The following CPQ variants were observed in gnomAD, a reference collection of about 807,000 sequenced individuals.
CPQ encodes carboxypeptidase Q, also known as Ser-Met dipeptidase.
In CPQ, 37 loss-of-function variants were observed where a neutral mutation model predicts 45.7. The ratio of observed to expected loss-of-function variants is 0.81; its 90% CI spans 0.62 to 1.07. The LOEUF is 1.07. Ranked by LOEUF, CPQ falls within the 50% of genes least tolerant of loss-of-function variation. The pLI, the probability that CPQ is intolerant of heterozygous loss-of-function variation, is 0.00. For synonymous variants in CPQ, 186 were observed against 205.8 expected, an observed-to-expected ratio of 0.90 and a Z score of 0.82; for missense variants, 537 against 572.9, an observed-to-expected ratio of 0.94 and a Z score of 0.64.
intron 6 of CPQ, among the ~76,000 whole-genome samples, chr8:97,045,310 C>G (rs909903720): frequency 4.6e-5 from 7 of 152,366 alleles, no homozygotes; most frequent in Middle Eastern, 3.4e-3. Flanking sequence ...GATATAATCT[C>G]CTGGTGCGCC....
intron 1 of CPQ, among the ~76,000 whole-genome samples, chr8:96,684,361 T>C (rs1809195347): frequency 6.6e-6 from 1 of 152,196 alleles, no homozygotes. Context: ...TTAATGGATG[T>C]TGTGGTGAGG....
chr8:96,842,119 G>T (rs1811620818), intron 3 of CPQ, among the ~76,000 whole-genome samples: 3 of 152,076 alleles, frequency 2.0e-5, no homozygotes, highest in Admixed American at 2.0e-4. Context: ...GTCTTAAGAG[G>T]TCTATTTTGG....
At chr8:96,977,542 T>C (rs1199705035) in intron 5 of CPQ, among the ~76,000 whole-genome samples, 1 of 152,184 alleles carries the variant, frequency 6.6e-6, no homozygotes, top group African/African-American at 2.4e-5. Flanking sequence ...TGCCCACTCA[T>C]GTTTATAGCA....
intron 7 of CPQ, among the ~76,000 whole-genome samples, chr8:97,083,445 T>A (rs1480814477): frequency 6.6e-6 from 1 of 152,168 alleles, no homozygotes; most frequent in African/African-American, 2.4e-5. Context: ...GCTACTAGCA[T>A]ACACTATAAC....
In CPQ at chr8:96,915,865, C is replaced by T. The variant is rs1461568517; in HGVS notation, c.849+35860C>T. Among the ~76,000 whole-genome samples, 3 of 152,298 alleles carry T rather than the reference C, an allele frequency of 2.0e-5. No homozygotes were observed. The South Asian group carries it at 6.2e-4, about 32-fold the overall frequency. On this transcript the variant is annotated intron_variant, in intron 4 of 7. Transcript: ENST00000220763. The stretch of plus-strand genomic sequence containing the variant: ...GTACCTTAATTACTCAAGAGAACCT[C>T]CTCTCCCACTTTGCATACAGGCCAA...
chr8:97,135,221 A>G (rs1436291545), intron 7 of CPQ, among the ~76,000 whole-genome samples: 2 of 152,172 alleles, frequency 1.3e-5, no homozygotes, highest in African/African-American at 2.4e-5. Context: ...TTAGAAACTA[A>G]AAGTAGAATA....
chr8:97,098,621 T>C (rs1328075851), intron 7 of CPQ, among the ~76,000 whole-genome samples: 1 of 152,178 alleles, frequency 6.6e-6, no homozygotes, highest in Non-Finnish European at 1.5e-5. Flanking sequence ...TCCTCAAGCA[T>C]GGCACACATT....
intron 1 of CPQ, among the ~76,000 whole-genome samples, chr8:96,722,848 G>A (rs1809782888): frequency 6.6e-6 from 1 of 152,312 alleles, no homozygotes; most frequent in East Asian, 1.9e-4. Flanking sequence ...CGCAGGAAGA[G>A]GAAGCTAGAG....
At chr8:96,970,786 ATC>A (rs1813658422) in intron 5 of CPQ, among the ~76,000 whole-genome samples, 1 of 152,052 alleles carries the variant, frequency 6.6e-6, no homozygotes, top group Admixed American at 6.6e-5. Flanking sequence ...GATGGTCTCT[ATC>A]TCCTGACCTC....
Position 96,716,505 on chromosome 8 carries a change from A to G in CPQ, c.-34-68359A>G, listed in dbSNP as rs142827472. 6.7e-3 allele frequency among the ~76,000 whole-genome samples: 1,021 copies of G among 152,250 alleles called. 7 individuals are homozygous for G. Among genetic ancestry groups the G allele is most frequent in the Middle Eastern group, 0.014 (4 of 294 alleles). ...CTTCCACCCTTTCCTTGGAGTTCCCAAAGTCCACTATATCACTCTTAGGCC... is the reference window on the plus strand; with the variant it reads ...CTTCCACCCTTTCCTTGGAGTTCCCGAAGTCCACTATATCACTCTTAGGCC... On this transcript the variant is annotated intron_variant, in intron 1 of 7. Coordinates refer to ENST00000220763, the MANE Select transcript of CPQ (RefSeq NM_016134.4).
chr8:96,715,704 C>A (rs1233014058), intron 1 of CPQ, among the ~76,000 whole-genome samples: 1 of 152,166 alleles, frequency 6.6e-6, no homozygotes, highest in African/African-American at 2.4e-5. Context: ...AAACTTCCCA[C>A]AAGCAGAAAG....
chr8:96,860,334 AT>A (rs1489782021), intron 3 of CPQ, among the ~76,000 whole-genome samples: 1 of 152,172 alleles, frequency 6.6e-6, no homozygotes, highest in Non-Finnish European at 1.5e-5. Flanking sequence ...TATACAGGCA[AT>A]TTCTCAGTTG....
chr8:97,019,694 C>T (rs1029299437), intron 5 of CPQ, among the ~76,000 whole-genome samples: 2 of 152,100 alleles, frequency 1.3e-5, no homozygotes, highest in Non-Finnish European at 2.9e-5. Flanking sequence ...AATATATATG[C>T]ACCTAACACT....
chr8:96,735,829 T>A (rs1186665957), intron 1 of CPQ, among the ~76,000 whole-genome samples: 2 of 152,182 alleles, frequency 1.3e-5, no homozygotes. Context: ...AATCCTTATA[T>A]CTTCTAACAG....
At chr8:96,799,817 G>A (rs1006058032) in intron 2 of CPQ, among the ~76,000 whole-genome samples, 12 of 152,128 alleles carry the variant, frequency 7.9e-5, no homozygotes, top group African/African-American at 2.2e-4. Context: ...CTAATACATG[G>A]CAGGGTCTTG....
intron 1 of CPQ, among the ~76,000 whole-genome samples, chr8:96,682,718 G>A (rs1457486186): frequency 1.3e-5 from 2 of 152,028 alleles, no homozygotes; most frequent in Non-Finnish European, 2.9e-5. Flanking sequence ...TCTTTTTACA[G>A]GTTTTAACTT....
chr8:96,693,286 G>A (rs1809327996), intron 1 of CPQ, among the ~76,000 whole-genome samples: 1 of 151,416 alleles, frequency 6.6e-6, no homozygotes, highest in Non-Finnish European at 1.5e-5. Context: ...GAGAGAGTAG[G>A]GTAGAAAGTT....
intron 7 of CPQ, among the ~76,000 whole-genome samples, chr8:97,089,812 C>T (rs1019837655): frequency 2.6e-5 from 4 of 152,036 alleles, no homozygotes; most frequent in African/African-American, 4.8e-5. Flanking sequence ...CAGTAGTATT[C>T]AATGTGGTTA....
intron 5 of CPQ, among the ~76,000 whole-genome samples, chr8:97,026,251 C>T (rs1809797455): frequency 6.6e-6 from 1 of 152,202 alleles, no homozygotes; most frequent in Admixed American, 6.5e-5. Flanking sequence ...TGTGCCAGGA[C>T]TATGCTTGAT....
Sources: gnomAD v4.1 joint callset for allele counts (sites outside exome capture counted in the v4.1 genomes callset) on GRCh38, gnomAD v4.1.1 for gene constraint, MANE v1.5 for transcripts, NCBI Gene and HGNC (gene_info 2026-07-23, HGNC 2026-07-21) for gene names.